The following MEF2A variants were observed in gnomAD, a reference collection of about 807,000 sequenced individuals.
MEF2A encodes myocyte enhancer factor 2A.
MEF2A carries 28 observed loss-of-function variants against 55.8 expected under a neutral mutation model. The observed-to-expected ratio is 0.50, with a 90% CI of 0.37 to 0.69. The LOEUF is 0.69. Ranked by LOEUF, MEF2A falls within the 30% of genes least tolerant of loss-of-function variation. The pLI is 0.00. For missense variants in MEF2A, 528 were observed against 626.2 expected, an observed-to-expected ratio of 0.84 and a Z score of 1.67; for synonymous variants, 239 against 227.1, an observed-to-expected ratio of 1.05 and a Z score of -0.47.
intron 4 of MEF2A, among the ~76,000 whole-genome samples, chr15:99,651,619 C>G (rs1334876087): frequency 6.6e-6 from 1 of 152,206 alleles, no homozygotes; most frequent in African/African-American, 2.4e-5. Flanking sequence ...GGCACATAGT[C>G]CTCATGGCTC....
chr15:99,591,935 G>A (rs1269516986), intron 1 of MEF2A, among the ~76,000 whole-genome samples: 2 of 151,702 alleles, frequency 1.3e-5, no homozygotes, highest in Non-Finnish European at 2.9e-5. Context: ...CTTGCTTCTG[G>A]GCTTCTTTCT....
chr15:99,648,890 T>C (rs1005832841), intron 4 of MEF2A, among the ~76,000 whole-genome samples: 4 of 152,144 alleles, frequency 2.6e-5, no homozygotes, highest in Admixed American at 6.5e-5. Flanking sequence ...ATAGTGTGTT[T>C]TGTGGGAGTA....
Position 99,712,423 on chromosome 15 carries a change from A to T in MEF2A, c.1170A>T (p.Leu390Phe). Residue 390 changes from leucine to phenylalanine, a missense_variant, in exon 12 of 12, where the codon TTA (leucine) becomes TTT (phenylalanine). Leu to Phe is a conservative substitution (Grantham distance 22). Around this residue, in one of 2 missense-constraint regions of MEF2A, gnomAD observed 450 missense variants for 475.3 expected, o/e 0.95. Transcript: ENST00000557942. The surrounding 1 kb of genome is among the most constrained non-coding windows in gnomAD (Gnocchi z 4.1). ...AGGQLSQGSN[L>F]SINTNQNISI... ...GGCAGTTATCTCAGGGTTCCAATTT[A>T]TCCATTAATACCAACCAAAACATCA... 6.5e-7 allele frequency: 1 copy of T among 1,541,470 alleles called. No homozygotes were observed. The highest frequency in any genetic ancestry group is 8.8e-7 in the Non-Finnish European group (1 of 1,138,586).
chr15:99,566,890 G>T (rs1044826838), intron 1 of MEF2A, among the ~76,000 whole-genome samples: 2 of 152,214 alleles, frequency 1.3e-5, no homozygotes, highest in African/African-American at 4.8e-5. Context: ...GGGAACCGCT[G>T]GCTGAACCCC....
chr15:99,612,975 A>G (rs766398556), intron 2 of MEF2A, among the ~76,000 whole-genome samples: 3 of 152,076 alleles, frequency 2.0e-5, no homozygotes, highest in Non-Finnish European at 2.9e-5. Context: ...GGAGAGAGAG[A>G]TTTCTCTATG....
At chr15:99,632,424 G>T (rs922199419) in intron 2 of MEF2A, among the ~76,000 whole-genome samples, 2 of 152,316 alleles carry the variant, frequency 1.3e-5, no homozygotes. Context: ...ACAGATTGGG[G>T]CTATCCAGAT....
chr15:99,673,893 T>C (rs2051369478), intron 5 of MEF2A, among the ~76,000 whole-genome samples: 1 of 152,040 alleles, frequency 6.6e-6, no homozygotes, highest in African/African-American at 2.4e-5. Flanking sequence ...TTTAGAAAGT[T>C]AGTCAATTAA....
rs751962744 is a variant in MEF2A at position 99,712,533 on chromosome 15, AGCAGCCGCCGCCACCACC to A, written c.1287_1304del (p.Pro430_Pro435del). ...CAGCAGCAGCAGCAGCAGCAGCAGC[AGCAGCCGCCGCCACCACC>A]GCAGCCCCAGCCACAACCCCCGCAG... On this transcript the variant is annotated inframe_deletion, in exon 12 of 12. Transcript: ENST00000557942. This position sits in a 1 kb window ranked among gnomAD's most constrained non-coding sequence, Gnocchi z 4.1. 32 of 1,381,202 alleles carry A rather than the reference AGCAGCCGCCGCCACCACC, an allele frequency of 2.3e-5. No homozygotes were observed. The highest frequency in any genetic ancestry group is 3.0e-5 in the Non-Finnish European group (30 of 1,009,750). The allele number at this position is 1,381,202 out of a possible 1,614,324, so 85.6% of individuals were successfully genotyped here.
chr15:99,708,267 C>CT (rs533560117), intron 10 of MEF2A, among the ~76,000 whole-genome samples: 1 of 152,166 alleles, frequency 6.6e-6, no homozygotes, highest in East Asian at 1.9e-4. Context: ...AATTTATACT[C>CT]TGAGAATTGA....
Position 99,712,624 on chromosome 15 carries a change from C to A in MEF2A, c.1371C>A (p.Ser457Arg). ...EMGRSPVDSL[S>R]SSSSSYDGSD... ...GGCGCTCCCCTGTGGACAGTCTGAG[C>A]AGCTCTAGTAGCTCCTATGATGGCA... The change falls in exon 12 of 12, where the codon AGC (serine) becomes AGA (arginine). Residue 457 changes from serine to arginine, a missense_variant. Transcript: ENST00000557942. This position sits in a 1 kb window ranked among gnomAD's most constrained non-coding sequence, Gnocchi z 4.1. 2 of 1,552,314 alleles carry A rather than the reference C, an allele frequency of 1.3e-6. No homozygotes were observed. The highest frequency in any genetic ancestry group is 1.7e-6 in the Non-Finnish European group (2 of 1,147,340).
intron 1 of MEF2A, among the ~76,000 whole-genome samples, chr15:99,567,316 C>T (rs1960096077): frequency 6.6e-6 from 1 of 152,154 alleles, no homozygotes; most frequent in African/African-American, 2.4e-5. Context: ...GTTTTTAGCA[C>T]AGTATGTTTC....
chr15:99,687,092 T>C (rs533596294), intron 7 of MEF2A, among the ~76,000 whole-genome samples: 1,403 of 137,626 alleles, frequency 0.01, 8 homozygotes, highest in African/African-American at 0.022. Context: ...TTCTTTTTTT[T>C]TTTTTTTTTT....
intron 4 of MEF2A, among the ~76,000 whole-genome samples, chr15:99,647,471 T>C (rs891472213): frequency 7.9e-5 from 12 of 152,190 alleles, no homozygotes; most frequent in African/African-American, 2.9e-4. Flanking sequence ...GCAGTTGTTA[T>C]TCTTGGTCCG....
At chr15:99,577,771 T>C (rs1964752747) in intron 1 of MEF2A, among the ~76,000 whole-genome samples, 1 of 152,256 alleles carries the variant, frequency 6.6e-6, no homozygotes. Flanking sequence ...TGATATTAAC[T>C]CATTTTTTTT....
chr15:99,678,662 A>G (rs2581470), intron 7 of MEF2A: 747,827 of 983,816 alleles, frequency 0.76, 290,026 homozygotes, highest in Middle Eastern at 0.87. Flanking sequence ...ATGTACTGCT[A>G]AAAGAAGAGG....
intron 3 of MEF2A, among the ~76,000 whole-genome samples, chr15:99,635,503 A>G (rs964656087): frequency 6.6e-6 from 1 of 152,134 alleles, no homozygotes; most frequent in Non-Finnish European, 1.5e-5. Flanking sequence ...AAATCCTAAG[A>G]GTGTGGTTCA....
intron 2 of MEF2A, among the ~76,000 whole-genome samples, chr15:99,611,139 G>A (rs1977123741): frequency 6.6e-6 from 1 of 152,180 alleles, no homozygotes; most frequent in Non-Finnish European, 1.5e-5. Context: ...CTACTCAGGA[G>A]GCTGAGACAG....
At chr15:99,680,656 A>G (rs1229542173) in intron 7 of MEF2A, among the ~76,000 whole-genome samples, 1 of 152,228 alleles carries the variant, frequency 6.6e-6, no homozygotes, top group Non-Finnish European at 1.5e-5. Flanking sequence ...ATATTCAACA[A>G]TATGAAAATG....
chr15:99,584,166 T>C (rs1395692009), intron 1 of MEF2A, among the ~76,000 whole-genome samples: 1 of 152,246 alleles, frequency 6.6e-6, no homozygotes, highest in Non-Finnish European at 1.5e-5. Flanking sequence ...TCCATTATAA[T>C]CTTATGTGAC....
Sources: gnomAD v4.1 joint callset for allele counts (sites outside exome capture counted in the v4.1 genomes callset) on GRCh38, gnomAD v4.1.1 for gene constraint, gnomAD v4.1.1 regional missense constraint, Gnocchi (gnomAD v3.1) non-coding constraint, MANE v1.5 for transcripts, NCBI Gene and HGNC (gene_info 2026-07-23, HGNC 2026-07-21) for gene names.